CRAMP1: variants seen among roughly 807,000 people sequenced by gnomAD.
CRAMP1 encodes protein cramped-like.
CRAMP1 carries 50 observed loss-of-function variants against 115.4 expected under a neutral mutation model. The ratio of observed to expected loss-of-function variants is 0.43; its 90% CI spans 0.35 to 0.55. The LOEUF is 0.55. Among genes scored for constraint, CRAMP1 ranks in the 20% least tolerant of loss-of-function variants. The pLI, the probability that CRAMP1 is intolerant of heterozygous loss-of-function variation, is 0.01. For synonymous variants in CRAMP1, 866 were observed against 745.4 expected, an observed-to-expected ratio of 1.16 and a Z score of -2.64; for missense variants, 1,679 against 1,721.7, an observed-to-expected ratio of 0.98 and a Z score of 0.44.
At chr16:1,665,162 G>T (rs374626066) in intron 14 of CRAMP1, 24 bp downstream of exon 14, 2 of 1,515,096 alleles carry the variant, frequency 1.3e-6, no homozygotes, top group Admixed American at 3.3e-5. Flanking sequence ...GCTTTTCTGG[G>T]GTAGCTTGTC....
Position 1,656,182 on chromosome 16 carries a change from G to A in CRAMP1, c.1425G>A (p.Arg475=), listed in dbSNP as rs760287486. 1.2e-5 allele frequency: 19 copies of A among 1,601,582 alleles called. No individual in the cohort carries two copies. Among genetic ancestry groups the A allele is most frequent in the Non-Finnish European group, 1.4e-5 (17 of 1,174,804 alleles). ...RSGAEGKGVG[R]PPPAADALQS... ...GAGCTGAGGGCAAGGGTGTGGGGCGGCCCCCTCCTGCGGCTGACGCCTTGC... is the reference window on the plus strand; with the variant it reads ...GAGCTGAGGGCAAGGGTGTGGGGCGACCCCCTCCTGCGGCTGACGCCTTGC... The change falls in exon 10 of 21, where the codon CGG becomes CGA. Residue 475 remains arginine, a synonymous_variant. Transcript: ENST00000397412. This position sits in a 1 kb window ranked among gnomAD's most constrained non-coding sequence, Gnocchi z 5.6.
intron 19 of CRAMP1, chr16:1,670,376 G>T: frequency 2.7e-6 from 1 of 370,434 alleles, no homozygotes; most frequent in Non-Finnish European, 4.9e-6. Context: ...GGTGGGGGAT[G>T]GCAGCGAGGG....
intron 6 of CRAMP1, among the ~76,000 whole-genome samples, chr16:1,645,940 C>T (rs963280359): frequency 5.3e-5 from 8 of 152,164 alleles, no homozygotes; most frequent in African/African-American, 1.9e-4. Flanking sequence ...TGTCCCTCCC[C>T]CACACCTTGC....
chr16:1,644,682 G>C (rs1280342949), intron 6 of CRAMP1, among the ~76,000 whole-genome samples: 9 of 152,200 alleles, frequency 5.9e-5, no homozygotes, highest in Admixed American at 3.3e-4. Context: ...AGCCTCAGGA[G>C]GGGAGGGGAG....
intron 5 of CRAMP1, among the ~76,000 whole-genome samples, chr16:1,638,991 C>T (rs1218963940): frequency 1.3e-5 from 2 of 152,042 alleles, no homozygotes; most frequent in Non-Finnish European, 1.5e-5. Context: ...CCGTGGGCCT[C>T]GTGTCCCAGC....
chr16:1,652,635 C>T (rs1400224327), intron 7 of CRAMP1, 54 bp downstream of exon 7: 2 of 1,440,834 alleles, frequency 1.4e-6, no homozygotes, highest in Admixed American at 2.0e-5. Flanking sequence ...GTGTCCCATT[C>T]AATGATGGGC....
At chr16:1,649,741 G>A (rs935862539) in intron 6 of CRAMP1, among the ~76,000 whole-genome samples, 5 of 149,390 alleles carry the variant, frequency 3.3e-5, no homozygotes, top group Admixed American at 6.7e-5. Flanking sequence ...TGCCTGCCTC[G>A]GCCTCCCAAA....
intron 17 of CRAMP1, among the ~76,000 whole-genome samples, chr16:1,667,730 A>C (rs940418059): frequency 1.3e-5 from 2 of 152,194 alleles, no homozygotes; most frequent in Non-Finnish European, 2.9e-5. Flanking sequence ...TTCTGGCAGC[A>C]GTCAAAGCAG....
chr16:1,614,278 C>T lies in CRAMP1; in HGVS notation c.-1-361C>T, dbSNP rs1448948456. Among the ~76,000 whole-genome samples, 1 of 145,278 alleles carries T rather than the reference C, an allele frequency of 6.9e-6. No homozygotes were observed. The highest frequency in any genetic ancestry group is 1.5e-5 in the Non-Finnish European group (1 of 65,332). ...AGCGGCCCGGACCCGCAACCGTGCC[C>T]AGACCCGCGCCCGCGCCGGGGCTCC... On this transcript the variant is annotated intron_variant, in intron 1 of 20. Coordinates refer to ENST00000397412, the MANE Select transcript of CRAMP1 (RefSeq NM_020825.4). The surrounding 1 kb of genome is among the most constrained non-coding windows in gnomAD (Gnocchi z 4.4).
chr16:1,643,535 T>TG (rs1436409911), intron 6 of CRAMP1, among the ~76,000 whole-genome samples: 14 of 149,754 alleles, frequency 9.3e-5, no homozygotes, highest in Middle Eastern at 3.5e-3. Context: ...AGGAAGACTT[T>TG]GTCTAGGGGA....
At chr16:1,641,281 T>C in intron 6 of CRAMP1, 94 bp downstream of exon 6, 1 of 923,054 alleles carries the variant, frequency 1.1e-6, no homozygotes, top group Non-Finnish European at 1.8e-6. Context: ...AGTGAGGACC[T>C]TCCGAGTTAA....
rs536108473 is a variant in CRAMP1, at chr16:1,653,046, A to C, written c.927A>C (p.Glu309Asp). The change falls in exon 8 of 21, where the codon GAA (glutamate) becomes GAC (aspartate). Residue 309 changes from glutamate to aspartate, a missense_variant. Glu to Asp is a conservative substitution (Grantham distance 45). This residue lies in a region of CRAMP1 where 191 missense variants were observed against 236.2 expected (regional missense o/e 0.81). Coordinates refer to ENST00000397412, the MANE Select transcript of CRAMP1 (RefSeq NM_020825.4). ...KLCDPDGLSDEEDQKPVRLPL... is the reference protein window; with the variant it reads ...KLCDPDGLSDDEDQKPVRLPL... ...TCTGCATTGCAGGCTTGAGTGATGAAGAGGACCAGAAGCCAGTGCGCCTGC... is the reference window on the plus strand; with the variant it reads ...TCTGCATTGCAGGCTTGAGTGATGACGAGGACCAGAAGCCAGTGCGCCTGC... 1.2e-6 allele frequency: 2 copies of C among 1,613,006 alleles called. No homozygotes were observed. The highest frequency in any genetic ancestry group is 2.2e-5 in the South Asian group (2 of 90,854).
At chr16:1,616,096 T>C (rs758651396) in intron 2 of CRAMP1, among the ~76,000 whole-genome samples, 15 of 152,264 alleles carry the variant, frequency 9.9e-5, no homozygotes, top group Admixed American at 8.5e-4. Context: ...AGTATACTTA[T>C]TTAAAGATGT....
intron 10 of CRAMP1, among the ~76,000 whole-genome samples, chr16:1,658,858 G>C (rs2036798955): frequency 3.3e-5 from 5 of 152,176 alleles, no homozygotes; most frequent in Admixed American, 3.3e-4. Flanking sequence ...TAGTCCATAG[G>C]GAGGTTGCCC....
At chr16:1,640,309 A>G (rs2036621501) in intron 5 of CRAMP1, among the ~76,000 whole-genome samples, 1 of 152,130 alleles carries the variant, frequency 6.6e-6, no homozygotes. Context: ...CTTTCATCAC[A>G]TTGACACCGT....
chr16:1,615,057 G>T (rs2036406158), intron 2 of CRAMP1, 72 bp downstream of exon 2: 4 of 948,050 alleles, frequency 4.2e-6, no homozygotes, highest in Non-Finnish European at 5.5e-6. Context: ...GGAACCCCTC[G>T]CCCCAGCCGG....
chr16:1,623,237 T>G (rs1301871330), intron 2 of CRAMP1, among the ~76,000 whole-genome samples: 1 of 152,264 alleles, frequency 6.6e-6, no homozygotes, highest in Admixed American at 6.5e-5. Context: ...ACACCCAGCC[T>G]TGGGCTGCTG....
intron 4 of CRAMP1, among the ~76,000 whole-genome samples, chr16:1,634,247 C>A (rs1461940997): frequency 6.6e-6 from 1 of 152,116 alleles, no homozygotes; most frequent in African/African-American, 2.4e-5. Context: ...GTCTTTGGAC[C>A]CTCAGGCTCC....
intron 5 of CRAMP1, among the ~76,000 whole-genome samples, chr16:1,638,672 G>T (rs1011614945): frequency 6.6e-6 from 1 of 152,148 alleles, no homozygotes; most frequent in Non-Finnish European, 1.5e-5. Flanking sequence ...GCACTGTAGG[G>T]GATCCCCCCC....
Sources: gnomAD v4.1 joint callset for allele counts (sites outside exome capture counted in the v4.1 genomes callset) on GRCh38, gnomAD v4.1.1 for gene constraint, gnomAD v4.1.1 regional missense constraint, Gnocchi (gnomAD v3.1) non-coding constraint, MANE v1.5 for transcripts, NCBI Gene and HGNC (gene_info 2026-07-23, HGNC 2026-07-21) for gene names.